The following FAM193A variants were observed in gnomAD, a reference collection of about 807,000 sequenced individuals.
FAM193A encodes the protein protein FAM193A.
In FAM193A, 22 loss-of-function variants were observed where a neutral mutation model predicts 126.5. That is an observed-to-expected ratio of 0.17 (90% CI 0.12 to 0.25). The LOEUF (loss-of-function observed/expected upper bound fraction) is 0.25, where lower values mean the gene tolerates loss of function less well. Among genes scored for constraint, FAM193A ranks in the 10% least tolerant of loss-of-function variants. The pLI is 1.00. For missense variants in FAM193A, 1,675 were observed against 1,672.8 expected (o/e 1.00, Z -0.02); for synonymous variants, 761 against 646.8 (o/e 1.18, Z -2.68).
intron 18 of FAM193A, among the ~76,000 whole-genome samples, chr4:2,698,240 C>G (rs1272917660): frequency 6.6e-6 from 1 of 152,230 alleles, no homozygotes; most frequent in Non-Finnish European, 1.5e-5. Context: ...ACCAGGGCAC[C>G]TGCCTTTACA....
intron 20 of FAM193A, among the ~76,000 whole-genome samples, chr4:2,721,668 G>A (rs572164992): frequency 5.9e-5 from 9 of 152,290 alleles, no homozygotes; most frequent in South Asian, 2.1e-4. Context: ...GGTGTGAAGC[G>A]ACGGGAGTCC....
intron 13 of FAM193A, among the ~76,000 whole-genome samples, chr4:2,673,563 G>A (rs1714064467): frequency 6.6e-6 from 1 of 152,132 alleles, no homozygotes; most frequent in South Asian, 2.1e-4. Context: ...AACTTTTAAT[G>A]ATGTCTTAAT....
intron 2 of FAM193A, among the ~76,000 whole-genome samples, chr4:2,607,692 G>C (rs535628508): frequency 1.3e-5 from 2 of 152,178 alleles, no homozygotes; most frequent in African/African-American, 2.4e-5. Flanking sequence ...ATATGTTCAG[G>C]TTGGCAACTA....
Position 2,707,656 on chromosome 4 carries a change from G to A in FAM193A, c.4372+7112G>A, listed in dbSNP as rs1228694189. Among the ~76,000 whole-genome samples, 4 of 150,954 alleles carry A rather than the reference G, an allele frequency of 2.6e-5. No homozygotes were observed. In the South Asian group the frequency reaches 8.3e-4, roughly 31 times the overall value. On this transcript the variant is annotated intron_variant, in intron 19 of 20. Coordinates refer to ENST00000637812, the MANE Select transcript of FAM193A (RefSeq NM_001366318.2). ...TTTAAAAAAAATTTTTTTTAATGTG[G>A]CTGTTAGAAGAATCTTTTGTGTGTG...
chr4:2,571,380 C>A (rs1214052764), intron 1 of FAM193A, among the ~76,000 whole-genome samples: 1 of 152,044 alleles, frequency 6.6e-6, no homozygotes, highest in African/African-American at 2.4e-5. Flanking sequence ...GAGACTGGTA[C>A]TTGTTGGCAC....
intron 13 of FAM193A, among the ~76,000 whole-genome samples, chr4:2,681,735 A>G (rs1297181988): frequency 2.0e-5 from 3 of 152,152 alleles, no homozygotes; most frequent in African/African-American, 4.8e-5. Context: ...AGGTGCTGGA[A>G]TTACAGGCAT....
At chr4:2,644,849 A>G (rs961663520) in intron 6 of FAM193A, among the ~76,000 whole-genome samples, 21 of 152,322 alleles carry the variant, frequency 1.4e-4, no homozygotes, top group East Asian at 3.9e-4. Flanking sequence ...TTAGATTGTC[A>G]TTACAAATAA....
intron 2 of FAM193A, among the ~76,000 whole-genome samples, chr4:2,621,516 C>T (rs541111983): frequency 2.0e-5 from 3 of 152,144 alleles, no homozygotes; most frequent in Admixed American, 6.6e-5. Flanking sequence ...GTAAGAAATA[C>T]GGTGTTTGCT....
intron 1 of FAM193A, among the ~76,000 whole-genome samples, chr4:2,557,045 T>C (rs1437606612): frequency 6.6e-6 from 1 of 152,224 alleles, no homozygotes; most frequent in Non-Finnish European, 1.5e-5. Context: ...AAATTGCAGA[T>C]AATACTCAAC....
intron 2 of FAM193A, among the ~76,000 whole-genome samples, chr4:2,608,506 C>G (rs982473931): frequency 1.3e-5 from 2 of 152,136 alleles, no homozygotes; most frequent in South Asian, 4.1e-4. Context: ...AGCCACTGCA[C>G]CCAGCCAAAT....
At position 2,728,896 on chromosome 4, in the gene FAM193A, C is replaced by CTTTTTT. The variant is rs34029424; in HGVS notation, c.4455-2858_4455-2853dup. Among the ~76,000 whole-genome samples, 15 of 97,144 alleles carry CTTTTTT rather than the reference C, an allele frequency of 1.5e-4. 3 individuals are homozygous for CTTTTTT. Among genetic ancestry groups the CTTTTTT allele is most frequent in the African/African-American group, 5.7e-4 (11 of 19,296 alleles). 63.7% of individuals were successfully genotyped at this position (97,144 alleles called of 152,430 possible). A position where few individuals can be genotyped will look rare whatever the true frequency, so the allele number is the denominator to read the frequency against. On this transcript the variant is annotated intron_variant, in intron 20 of 20. Coordinates refer to ENST00000637812, the MANE Select transcript of FAM193A (RefSeq NM_001366318.2). Reference sequence around the variant, plus strand: ...AAGCAAATATGTTCCACCTCCAAAACTTTTTTTTTTTTTTTTTTTTTTTTT... The same window carrying CTTTTTT: ...AAGCAAATATGTTCCACCTCCAAAACTTTTTTTTTTTTTTTTTTTTTTTTTTTTTTT...
At position 2,732,058 on chromosome 4, in the gene FAM193A, G is replaced by A. The variant is rs1721462388; in HGVS notation, c.*190G>A. 1 of 604,864 alleles carries A rather than the reference G, an allele frequency of 1.7e-6. No homozygotes were observed. Among genetic ancestry groups the A allele is most frequent in the African/African-American group, 1.8e-5 (1 of 54,352 alleles). 37.5% of individuals were successfully genotyped at this position (604,864 alleles called of 1,614,324 possible). On this transcript the variant is annotated 3_prime_UTR_variant, in exon 21 of 21. Coordinates refer to ENST00000637812, the MANE Select transcript of FAM193A (RefSeq NM_001366318.2). ...GTTAGCTCGTGTGCGTGTAGTCTGTGCGTGAGACTCCTTCGATTGTAGCTC... is the reference window on the plus strand; with the variant it reads ...GTTAGCTCGTGTGCGTGTAGTCTGTACGTGAGACTCCTTCGATTGTAGCTC...
chr4:2,545,549 G>A (rs1438089723), intron 1 of FAM193A, among the ~76,000 whole-genome samples: 1 of 152,250 alleles, frequency 6.6e-6, no homozygotes, highest in Non-Finnish European at 1.5e-5. Flanking sequence ...TGAGCACTCA[G>A]TTGGTCATAT....
intron 1 of FAM193A, among the ~76,000 whole-genome samples, chr4:2,562,083 T>A (rs1442266797): frequency 1.3e-5 from 2 of 152,172 alleles, no homozygotes; most frequent in Admixed American, 1.3e-4. Flanking sequence ...GTAAGAAGAT[T>A]GTGTTAGATA....
intron 1 of FAM193A, among the ~76,000 whole-genome samples, chr4:2,564,372 C>T (rs1352649636): frequency 6.6e-6 from 1 of 152,028 alleles, no homozygotes; most frequent in African/African-American, 2.4e-5. Context: ...TGTGAGCCAC[C>T]ACCCCTGGCC....
intron 2 of FAM193A, among the ~76,000 whole-genome samples, chr4:2,610,841 G>A (rs568861210): frequency 1.3e-5 from 2 of 151,500 alleles, no homozygotes; most frequent in Admixed American, 6.6e-5. Context: ...AAGTTCAAGC[G>A]ATTCTCCTGC....
intron 2 of FAM193A, among the ~76,000 whole-genome samples, chr4:2,618,642 C>A (rs577268028): frequency 7.3e-6 from 1 of 136,392 alleles, no homozygotes; most frequent in Admixed American, 8.0e-5. Flanking sequence ...GTTGCCCAGG[C>A]TGAAGTGCAA....
chr4:2,552,400 C>T lies in FAM193A; in HGVS notation c.255+15230C>T, dbSNP rs557104931. On this transcript the variant is annotated intron_variant, in intron 1 of 20. Transcript: ENST00000637812. ...TCCTGAGTTTAAGCAATCTGCCCACCTCTGCCTCCCAAAGTGCTGGGATTA... is the reference window on the plus strand; with the variant it reads ...TCCTGAGTTTAAGCAATCTGCCCACTTCTGCCTCCCAAAGTGCTGGGATTA... Among the ~76,000 whole-genome samples the T allele has an allele frequency of 7.0e-4, 106 of 152,128 alleles. 2 individuals are homozygous for T. In the South Asian group the frequency reaches 0.02, roughly 29 times the overall value.
intron 13 of FAM193A, among the ~76,000 whole-genome samples, chr4:2,676,128 G>C (rs1475341939): frequency 6.6e-6 from 1 of 152,116 alleles, no homozygotes; most frequent in Non-Finnish European, 1.5e-5. Flanking sequence ...CAGTTGTTTG[G>C]GGTGTGTACC....
Sources: gnomAD v4.1 joint callset for allele counts (sites outside exome capture counted in the v4.1 genomes callset) on GRCh38, gnomAD v4.1.1 for gene constraint, MANE v1.5 for transcripts, NCBI Gene and HGNC (gene_info 2026-07-23, HGNC 2026-07-21) for gene names.